The following LRRC59 variants were observed in gnomAD, a reference collection of about 807,000 sequenced individuals.
The protein encoded by LRRC59 is leucine-rich repeat-containing protein 59.
Under a neutral mutation model 33.5 loss-of-function variants are expected in LRRC59, and 18 were observed. The observed-to-expected ratio is 0.54, with a 90% CI of 0.37 to 0.80. LRRC59 has a LOEUF of 0.80. LRRC59 is among the 30% of genes least tolerant of loss of function. LRRC59 has a pLI of 0.00. For synonymous variants in LRRC59, 138 were observed against 160.0 expected (o/e 0.86, Z 1.04); for missense variants, 330 against 391.9 (o/e 0.84, Z 1.33).
rs919958128 is a variant in LRRC59 at position 50,382,798 on chromosome 17, C to T, written c.*190G>A. 2 of 653,612 alleles carry T rather than the reference C, an allele frequency of 3.1e-6. No individual in the cohort carries two copies. The highest frequency in any genetic ancestry group is 2.4e-6 in the Non-Finnish European group (1 of 412,804). 40.5% of individuals were successfully genotyped at this position (653,612 alleles called of 1,614,324 possible). On this transcript the variant is annotated 3_prime_UTR_variant, in exon 7 of 7. Coordinates refer to ENST00000225972, the MANE Select transcript of LRRC59 (RefSeq NM_018509.4). ...CGCCCCCCCGCCACCTCCCATTTCT[C>T]CTCATTCCTTCAGGGAACCCTGACT... is the stretch of plus-strand genomic sequence containing the variant.
chr17:50,392,596 C>T lies in LRRC59; in HGVS notation c.325-94G>A, dbSNP rs1486314621. 9 of 1,440,766 alleles carry T rather than the reference C, an allele frequency of 6.2e-6. No homozygotes were observed. In the South Asian group the frequency reaches 8.3e-5, roughly 13 times the overall value. The allele number at this position is 1,440,766 out of a possible 1,614,324, so 89.2% of individuals were successfully genotyped here. A position where few individuals can be genotyped will look rare whatever the true frequency, so the allele number is the denominator to read the frequency against. On this transcript the variant is annotated intron_variant, in intron 3 of 6. Transcript: ENST00000225972. ...AAACAAAATGAGCAGGAAGAATGCC[C>T]CTCTGTGTTCCACATATAGGGAGCG...
intron 5 of LRRC59, among the ~76,000 whole-genome samples, chr17:50,386,739 CT>C (rs1914013953): frequency 6.6e-6 from 1 of 152,234 alleles, no homozygotes; most frequent in African/African-American, 2.4e-5. Context: ...CTCTCAGGGA[CT>C]GCCTGTAATC....
rs961184057 is a variant in LRRC59 at position 50,395,117 on chromosome 17, A to T, written c.106-129T>A. 3 of 630,442 alleles carry T rather than the reference A, an allele frequency of 4.8e-6. No individual in the cohort carries two copies. The African/African-American group carries it at 5.5e-5, about 12-fold the overall frequency. The allele number at this position is 630,442 out of a possible 1,614,324, so 39.1% of individuals were successfully genotyped here. On this transcript the variant is annotated intron_variant, in intron 1 of 6. Transcript: ENST00000225972. ...AAGGCCTTTTAAAATGGCAGTAAAGAGTAATGTTCCTGGGAATAAGAGGAA... is the reference window on the plus strand; with the variant it reads ...AAGGCCTTTTAAAATGGCAGTAAAGTGTAATGTTCCTGGGAATAAGAGGAA...
intron 4 of LRRC59, among the ~76,000 whole-genome samples, chr17:50,389,964 G>A (rs2143365089): frequency 6.6e-6 from 1 of 152,088 alleles, no homozygotes; most frequent in East Asian, 1.9e-4. Flanking sequence ...TGGGTGTGGT[G>A]GTGTGCGCCT....
At chr17:50,385,545 A>G (rs536381398) in intron 5 of LRRC59, among the ~76,000 whole-genome samples, 17 of 152,320 alleles carry the variant, frequency 1.1e-4, no homozygotes, top group South Asian at 6.2e-4. Context: ...TTAGGGTAAA[A>G]TAACAAGGAG....
At chr17:50,391,538 G>A (rs1302917400) in intron 4 of LRRC59, among the ~76,000 whole-genome samples, 1 of 152,194 alleles carries the variant, frequency 6.6e-6, no homozygotes, top group East Asian at 1.9e-4. Flanking sequence ...AGTGACTATA[G>A]TTGGAGTTAT....
At position 50,388,013 on chromosome 17, in the gene LRRC59, C is replaced by T. The variant is rs767334675; in HGVS notation, c.502+47G>A. The stretch of plus-strand genomic sequence containing the variant: ...CTCCTGAAGCATGAGAATCCACTGG[C>T]TGGGATGAGGACCTGAAAGATAACT... On this transcript the variant is annotated intron_variant, in intron 5 of 6. Transcript: ENST00000225972. 2.5e-6 allele frequency: 4 copies of T among 1,585,916 alleles called. No individual in the cohort carries two copies. The South Asian group carries it at 4.4e-5, about 18-fold the overall frequency.
At chr17:50,389,968 T>C (rs1431310260) in intron 4 of LRRC59, among the ~76,000 whole-genome samples, 1 of 151,652 alleles carries the variant, frequency 6.6e-6, no homozygotes, top group East Asian at 1.9e-4. Flanking sequence ...TGTGGTGGTG[T>C]GCGCCTGTAA....
Sources: allele counts gnomAD v4.1 joint callset (sites outside exome capture counted in the v4.1 genomes callset), GRCh38; gene constraint gnomAD v4.1.1; transcripts MANE v1.5; gene names NCBI Gene and HGNC (gene_info 2026-07-23, HGNC 2026-07-21).